DPYD: variants seen among roughly 807,000 people sequenced by gnomAD.
DPYD encodes the protein dihydropyrimidine dehydrogenase [NADP(+)].
In DPYD, 109 loss-of-function variants were observed where a neutral mutation model predicts 116.2. That is an observed-to-expected ratio of 0.94 (90% CI 0.80 to 1.10). The LOEUF (loss-of-function observed/expected upper bound fraction) is 1.10, where lower values mean the gene tolerates loss of function less well. Among genes scored for constraint, DPYD ranks in the 50% least tolerant of loss-of-function variants. The pLI, the probability that DPYD is intolerant of heterozygous loss-of-function variation, is 0.00. For missense variants in DPYD, 1,302 were observed against 1,254.5 expected, an observed-to-expected ratio of 1.04 and a Z score of -0.57; for synonymous variants, 440 against 432.0, an observed-to-expected ratio of 1.02 and a Z score of -0.23.
At chr1:97,302,169 C>G (rs1053238766) in intron 18 of DPYD, among the ~76,000 whole-genome samples, 2 of 151,762 alleles carry the variant, frequency 1.3e-5, no homozygotes, top group Non-Finnish European at 2.9e-5. Context: ...AAGGAAAGGT[C>G]GTAACAACTT....
At chr1:97,409,483 A>G (rs1444452698) in intron 14 of DPYD, among the ~76,000 whole-genome samples, 1 of 152,186 alleles carries the variant, frequency 6.6e-6, no homozygotes, top group African/African-American at 2.4e-5. Flanking sequence ...CTGAGATAAT[A>G]TTTGTTGAAT....
chr1:97,200,300 T>C (rs1382131485), intron 19 of DPYD, among the ~76,000 whole-genome samples: 1 of 152,200 alleles, frequency 6.6e-6, no homozygotes, highest in Non-Finnish European at 1.5e-5. Context: ...GTAAAATATA[T>C]GCTTACAATT....
intron 12 of DPYD, among the ~76,000 whole-genome samples, chr1:97,533,719 C>T (rs539654840): frequency 2.6e-5 from 4 of 152,204 alleles, no homozygotes; most frequent in Non-Finnish European, 5.9e-5. Flanking sequence ...ACATATCAGC[C>T]AATACTTGCT....
rs914123051 is a variant in DPYD, at chr1:97,542,785, T to TTGAA, written c.1524+6771_1524+6774dup. ...TCCACTACTTTTTAAAATGCATCTT[T>TTGAA]TGAATGAATGAATTAATTAATGCAT... On this transcript the variant is annotated intron_variant, in intron 12 of 22. Transcript: ENST00000370192. Among the ~76,000 whole-genome samples the TTGAA allele has an allele frequency of 8.3e-4, 123 of 148,008 alleles. 1 individual carries two copies. The highest frequency in any genetic ancestry group is 6.8e-3 in the Middle Eastern group (2 of 292).
At chr1:97,486,388 T>A (rs1678637168) in intron 13 of DPYD, among the ~76,000 whole-genome samples, 1 of 152,188 alleles carries the variant, frequency 6.6e-6, no homozygotes. Context: ...TTTGTTGTTG[T>A]TGAAAGTTGG....
intron 14 of DPYD, among the ~76,000 whole-genome samples, chr1:97,396,962 T>A (rs1038778442): frequency 2.6e-5 from 4 of 152,046 alleles, no homozygotes; most frequent in Non-Finnish European, 5.9e-5. Flanking sequence ...GTCAGATAGA[T>A]GTTTATTTAT....
intron 4 of DPYD, among the ~76,000 whole-genome samples, chr1:97,735,689 A>C (rs1408920110): frequency 2.7e-5 from 1 of 36,700 alleles, no homozygotes; most frequent in Non-Finnish European, 7.0e-5. Context: ...CTCTGTCATA[A>C]ATAAATAAAT....
At chr1:97,319,597 AC>A (rs1231483720) in intron 16 of DPYD, among the ~76,000 whole-genome samples, 1 of 134,860 alleles carries the variant, frequency 7.4e-6, no homozygotes, top group East Asian at 2.1e-4. Flanking sequence ...TCAATAGTTT[AC>A]CAACCAAAAA....
chr1:97,774,304 G>A (rs1666288869), intron 3 of DPYD, among the ~76,000 whole-genome samples: 1 of 152,162 alleles, frequency 6.6e-6, no homozygotes, highest in Non-Finnish European at 1.5e-5. Flanking sequence ...TGAGTAAAAG[G>A]ATCTGTTTGC....
intron 18 of DPYD, among the ~76,000 whole-genome samples, chr1:97,271,030 G>A (rs1570803664): frequency 6.6e-6 from 1 of 152,180 alleles, no homozygotes; most frequent in Non-Finnish European, 1.5e-5. Context: ...GAAACACACT[G>A]AAAGTATGTT....
In DPYD at chr1:97,581,326, CAAAAAAAAAAA is replaced by C. The variant is rs1161399547; in HGVS notation, c.1129-7367_1129-7357del. ...TGGGCGACAGAGCGAGACTCAGTCT[CAAAAAAAAAAA>C]AAAAAAAAAAAAAAAAAATTGGCCA... On this transcript the variant is annotated intron_variant, in intron 10 of 22. Transcript: ENST00000370192. Among the ~76,000 whole-genome samples, 134 of 66,596 alleles carry C rather than the reference CAAAAAAAAAAA, an allele frequency of 2.0e-3. 2 individuals carry two copies. Among genetic ancestry groups the C allele is most frequent in the African/African-American group, 8.3e-3 (123 of 14,884 alleles). 43.7% of individuals were successfully genotyped at this position (66,596 alleles called of 152,430 possible).
At chr1:97,775,568 C>G (rs1666352073) in intron 3 of DPYD, among the ~76,000 whole-genome samples, 1 of 152,072 alleles carries the variant, frequency 6.6e-6, no homozygotes, top group Non-Finnish European at 1.5e-5. Flanking sequence ...ACTTATTTAA[C>G]TTTCTCTTTG....
At chr1:97,323,434 A>G (rs186719447) in intron 16 of DPYD, among the ~76,000 whole-genome samples, 1 of 100,488 alleles carries the variant, frequency 1.0e-5, no homozygotes, top group African/African-American at 3.1e-5. Context: ...ACATATGTGT[A>G]TATGTACACG....
chr1:97,568,985 T>C (rs1353341688), intron 11 of DPYD, among the ~76,000 whole-genome samples: 1 of 151,682 alleles, frequency 6.6e-6, no homozygotes, highest in Non-Finnish European at 1.5e-5. Flanking sequence ...AATGAAAGAG[T>C]GGTTGTGGTA....
intron 1 of DPYD, among the ~76,000 whole-genome samples, chr1:97,904,334 A>T (rs900008413): frequency 6.6e-6 from 1 of 152,000 alleles, no homozygotes; most frequent in South Asian, 2.1e-4. Flanking sequence ...CATTTCAGTG[A>T]CAATATCTTA....
intron 20 of DPYD, among the ~76,000 whole-genome samples, chr1:97,119,156 A>G (rs1248262490): frequency 6.6e-6 from 1 of 152,214 alleles, no homozygotes; most frequent in Non-Finnish European, 1.5e-5. Flanking sequence ...TTATTTGAAA[A>G]AAAAGCCATA....
At chr1:97,465,683 C>A (rs1266992918) in intron 13 of DPYD, among the ~76,000 whole-genome samples, 3 of 152,102 alleles carry the variant, frequency 2.0e-5, no homozygotes, top group Non-Finnish European at 2.9e-5. Flanking sequence ...TGAAGCCTCC[C>A]CAGATATATG....
At chr1:97,357,550 A>G (rs1670487578) in intron 16 of DPYD, among the ~76,000 whole-genome samples, 1 of 152,136 alleles carries the variant, frequency 6.6e-6, no homozygotes, top group Non-Finnish European at 1.5e-5. Flanking sequence ...TCTTTTTAAA[A>G]CAGACTTACG....
intron 20 of DPYD, among the ~76,000 whole-genome samples, chr1:97,154,668 G>A (rs144403537): frequency 1.9e-3 from 278 of 149,174 alleles, no homozygotes; most frequent in African/African-American, 6.2e-3. Context: ...CAAAGATTGC[G>A]CCACTGCCCT....
Sources: allele counts gnomAD v4.1 joint callset (sites outside exome capture counted in the v4.1 genomes callset), GRCh38; gene constraint gnomAD v4.1.1; transcripts MANE v1.5; gene names NCBI Gene and HGNC (gene_info 2026-07-23, HGNC 2026-07-21).